The following SMARCC1 variants were observed in gnomAD, a reference collection of about 807,000 sequenced individuals.
The protein encoded by SMARCC1 is SWI/SNF related BAF chromatin remodeling complex subunit C1.
Under a neutral mutation model 147.4 loss-of-function variants are expected in SMARCC1, and 43 were observed. The ratio of observed to expected loss-of-function variants is 0.29; its 90% CI spans 0.23 to 0.38. The LOEUF is 0.38. SMARCC1 is among the 10% of genes least tolerant of loss of function. The pLI is 1.00. For missense variants in SMARCC1, 1,119 were observed against 1,381.1 expected (o/e 0.81, Z 3.01); for synonymous variants, 495 against 484.4 (o/e 1.02, Z -0.29).
chr3:47,650,230 C>T (rs1257990096), intron 21 of SMARCC1, among the ~76,000 whole-genome samples: 2 of 150,358 alleles, frequency 1.3e-5, no homozygotes, highest in Non-Finnish European at 3.0e-5. Context: ...GAGCGGAGAT[C>T]GTGCAACTGC....
At chr3:47,750,179 T>C (rs2034613808) in intron 2 of SMARCC1, among the ~76,000 whole-genome samples, 1 of 151,078 alleles carries the variant, frequency 6.6e-6, no homozygotes, top group African/African-American at 2.4e-5. Flanking sequence ...CTCACGCCAA[T>C]AATCCTAACA....
At chr3:47,672,589 A>G (rs2033515327) in intron 18 of SMARCC1, among the ~76,000 whole-genome samples, 1 of 152,204 alleles carries the variant, frequency 6.6e-6, no homozygotes, top group African/African-American at 2.4e-5. Flanking sequence ...TGGAGCCCCA[A>G]GAAGAACAAA....
intron 21 of SMARCC1, among the ~76,000 whole-genome samples, chr3:47,651,202 G>A (rs997724055): frequency 6.6e-6 from 1 of 152,130 alleles, no homozygotes; most frequent in Non-Finnish European, 1.5e-5. Context: ...TATTGGGGAG[G>A]CTGAGGTGGG....
chr3:47,748,514 G>A (rs1293561666), intron 2 of SMARCC1, among the ~76,000 whole-genome samples: 11 of 118,650 alleles, frequency 9.3e-5, no homozygotes, highest in African/African-American at 3.3e-4. Context: ...ATGAGCCACC[G>A]CACCCGGCCT....
chr3:47,633,741 C>CAAAA (rs1162764544), intron 24 of SMARCC1, among the ~76,000 whole-genome samples: 7 of 8,628 alleles, frequency 8.1e-4, no homozygotes, highest in African/African-American at 2.1e-3. Context: ...GAGACTGTCT[C>CAAAA]AAAAAAAAAA....
At position 47,738,082 on chromosome 3, in the gene SMARCC1, G is replaced by C; in HGVS notation, c.430C>G (p.Arg144Gly). The change falls in exon 4 of 28, where the codon CGA becomes GGA. Residue 144 changes from arginine (R) to glycine (G), a missense_variant. Around this residue, in one of 6 missense-constraint regions of SMARCC1, gnomAD observed 542 missense variants for 611.8 expected, o/e 0.89. Coordinates refer to ENST00000254480, the MANE Select transcript of SMARCC1 (RefSeq NM_003074.4). ...AACATTTCCACATTACGATCCATTC[G>C]AGATGGGTTCTGTAGGTCAAACCTC... ...WRRFDLQNPS[R>G]MDRNVEMFMN... 6.3e-7 allele frequency: 1 copy of C among 1,590,042 alleles called. No individual in the cohort carries two copies. The highest frequency in any genetic ancestry group is 8.6e-7 in the Non-Finnish European group (1 of 1,168,490).
chr3:47,726,047 G>C (rs921868333), intron 6 of SMARCC1, among the ~76,000 whole-genome samples: 2 of 56,056 alleles, frequency 3.6e-5, no homozygotes, highest in African/African-American at 9.8e-5. Context: ...GGGTAGAAGA[G>C]TGAGACTCTG....
intron 25 of SMARCC1, among the ~76,000 whole-genome samples, chr3:47,617,411 T>C (rs1301694966): frequency 6.6e-6 from 1 of 152,254 alleles, no homozygotes; most frequent in African/African-American, 2.4e-5. Context: ...TAAAGTGCTT[T>C]GGCATAGTAA....
intron 15 of SMARCC1, among the ~76,000 whole-genome samples, chr3:47,678,921 G>A (rs1208205523): frequency 6.6e-6 from 1 of 152,166 alleles, no homozygotes; most frequent in Non-Finnish European, 1.5e-5. Context: ...ATTTGGCTCT[G>A]CAAATAGCTA....
Position 47,586,134 on chromosome 3 carries a change from T to A in SMARCC1, c.*2075A>T, listed in dbSNP as rs1351813396. On this transcript the variant is annotated 3_prime_UTR_variant, in exon 28 of 28. Transcript: ENST00000254480. ...AAAAGCCACCACTTATACTGAAATA[T>A]AACAGTGTTAAGAATTCAGGTATTT... 1.3e-5 allele frequency: 2 copies of A among 152,450 alleles called. No individual in the cohort carries two copies. The highest frequency in any genetic ancestry group is 2.9e-5 in the Non-Finnish European group (2 of 68,038). The allele number at this position is 152,450 out of a possible 1,614,324, so 9.4% of individuals were successfully genotyped here.
intron 1 of SMARCC1, among the ~76,000 whole-genome samples, chr3:47,775,014 G>A (rs990105993): frequency 6.6e-6 from 1 of 151,738 alleles, no homozygotes; most frequent in Non-Finnish European, 1.5e-5. Flanking sequence ...AACTTCTCTG[G>A]GCTAGTCTAG....
intron 6 of SMARCC1, among the ~76,000 whole-genome samples, chr3:47,725,107 T>C (rs2034283075): frequency 6.7e-6 from 1 of 149,546 alleles, no homozygotes; most frequent in South Asian, 2.1e-4. Flanking sequence ...ACTGTATATG[T>C]AAAAATGATT....
At chr3:47,623,734 A>G (rs1370087196) in intron 24 of SMARCC1, among the ~76,000 whole-genome samples, 1 of 152,250 alleles carries the variant, frequency 6.6e-6, no homozygotes, top group Non-Finnish European at 1.5e-5. Flanking sequence ...ACAAAGAGGT[A>G]TAAAATAAAA....
intron 6 of SMARCC1, among the ~76,000 whole-genome samples, chr3:47,721,936 C>T (rs1010607922): frequency 3.3e-5 from 5 of 152,098 alleles, no homozygotes; most frequent in Admixed American, 6.6e-5. Flanking sequence ...AGGAAGATCA[C>T]GAGCATTATA....
chr3:47,666,324 C>G (rs1404033856), intron 19 of SMARCC1, among the ~76,000 whole-genome samples: 1 of 152,208 alleles, frequency 6.6e-6, no homozygotes. Flanking sequence ...CTCTTGTGCT[C>G]TGGACATACC....
intron 15 of SMARCC1, 133 bp from the exon 16 acceptor site, chr3:47,678,444 T>C (rs919247513): frequency 2.7e-5 from 13 of 478,030 alleles, no homozygotes; most frequent in Non-Finnish European, 4.9e-5. Flanking sequence ...AAAACATTGA[T>C]ATTATATTGC....
At chr3:47,664,253 G>A (rs1248273245) in intron 19 of SMARCC1, among the ~76,000 whole-genome samples, 1 of 150,320 alleles carries the variant, frequency 6.7e-6, no homozygotes, top group African/African-American at 2.4e-5. Context: ...AATAAAGAAT[G>A]TATAAGAGCA....
At chr3:47,778,024 G>A (rs2034995900) in intron 1 of SMARCC1, among the ~76,000 whole-genome samples, 1 of 150,946 alleles carries the variant, frequency 6.6e-6, no homozygotes, top group Non-Finnish European at 1.5e-5. Context: ...TGGCCAACAT[G>A]GTGAAACCCC....
chr3:47,593,296 C>T (rs971004128), intron 26 of SMARCC1, among the ~76,000 whole-genome samples: 1 of 151,698 alleles, frequency 6.6e-6, no homozygotes, highest in African/African-American at 2.4e-5. Flanking sequence ...CTCAGCCGCC[C>T]GAGTACCCGG....
Sources: allele counts gnomAD v4.1 joint callset (sites outside exome capture counted in the v4.1 genomes callset), GRCh38; gene constraint gnomAD v4.1.1; regional missense constraint gnomAD v4.1.1; transcripts MANE v1.5; gene names NCBI Gene and HGNC (gene_info 2026-07-23, HGNC 2026-07-21).